The following EIF3L variants were observed in gnomAD, a reference collection of about 807,000 sequenced individuals.
The protein encoded by EIF3L is eIEF associated protein HSPC021.
A neutral mutation model predicts 74.6 loss-of-function variants in EIF3L; 32 were observed. The observed-to-expected ratio is 0.43, with a 90% CI of 0.32 to 0.58. The LOEUF (loss-of-function observed/expected upper bound fraction) is 0.58. Among genes scored for constraint, EIF3L ranks in the 20% least tolerant of loss-of-function variants. The probability of loss-of-function intolerance (pLI) is 0.06; values close to 1 mark genes in which losing one functional copy is unlikely to be tolerated. For missense variants in EIF3L, 474 were observed against 707.8 expected, an observed-to-expected ratio of 0.67 and a Z score of 3.75; for synonymous variants, 256 against 254.4, an observed-to-expected ratio of 1.01 and a Z score of -0.06.
At chr22:37,855,696 G>A in intron 4 of EIF3L, 52 bp downstream of exon 4, 2 of 1,483,902 alleles carry the variant, frequency 1.3e-6, no homozygotes, top group Admixed American at 1.8e-5. Flanking sequence ...CAGTGGCTGA[G>A]TCATTAGACA....
intron 2 of EIF3L, 132 bp downstream of exon 2, chr22:37,850,195 G>A: frequency 1.1e-6 from 1 of 914,466 alleles, no homozygotes; most frequent in South Asian, 1.4e-5. Context: ...TTAGCTGCCA[G>A]TGCGAGGGGT....
At position 37,888,885 on chromosome 22, in the gene EIF3L, G is replaced by A. The variant is rs755048703; in HGVS notation, c.*421G>A. 4.7e-5 allele frequency: 8 copies of A among 171,204 alleles called. No individual in the cohort carries two copies. Among genetic ancestry groups the A allele is most frequent in the Non-Finnish European group, 7.4e-5 (6 of 80,856 alleles). The allele number at this position is 171,204 out of a possible 1,614,324, so 10.6% of individuals were successfully genotyped here. A position where few individuals can be genotyped will look rare whatever the true frequency, so the allele number is the denominator to read the frequency against. On this transcript the variant is annotated 3_prime_UTR_variant, in exon 13 of 13. Transcript: ENST00000652021. The stretch of plus-strand genomic sequence containing the variant: ...CTTCCAAGTAGCTGGGATTACAGGC[G>A]TGTGCCACCACACTCAGCTAATTTT...
At chr22:37,876,071 A>C in intron 10 of EIF3L, 60 bp downstream of exon 10, 1 of 1,544,106 alleles carries the variant, frequency 6.5e-7, no homozygotes, top group Non-Finnish European at 8.8e-7. Context: ...CTTGGCACCT[A>C]TGCCAACCAT....
At chr22:37,887,056 A>G (rs1569126527) in intron 12 of EIF3L, 1 of 376,740 alleles carries the variant, frequency 2.7e-6, no homozygotes, top group Non-Finnish European at 5.2e-6. Context: ...AGCCTCCCGC[A>G]TAGCTGGAAT....
At chr22:37,861,250 C>T (rs59909860) in intron 5 of EIF3L, among the ~76,000 whole-genome samples, 6,630 of 152,104 alleles carry the variant, frequency 0.044, 484 homozygotes, top group African/African-American at 0.15. Flanking sequence ...CCTTGAGGAC[C>T]GCTTGATATG....
At chr22:37,870,405 T>C in intron 8 of EIF3L, 58 bp downstream of exon 8, 2 of 1,505,136 alleles carry the variant, frequency 1.3e-6, no homozygotes, top group Non-Finnish European at 1.8e-6. Flanking sequence ...TGCCATCTGT[T>C]CCAAATGAAT....
intron 2 of EIF3L, among the ~76,000 whole-genome samples, chr22:37,850,315 G>T (rs1032226043): frequency 6.6e-6 from 1 of 151,870 alleles, no homozygotes; most frequent in African/African-American, 2.4e-5. Context: ...AGCCAAATAA[G>T]AAAAGCTTTT....
At position 37,877,965 on chromosome 22, in the gene EIF3L, C is replaced by G; in HGVS notation, c.1369C>G (p.Leu457Val). ...FSDEVQQQAQ[L>V]STIRSFLKLY... ...TGATGAAGTACAGCAGCAGGCCCAG[C>G]TTTCAACCATCCGCAGCTTCCTGAA... is the stretch of plus-strand genomic sequence containing the variant. Residue 457 changes from leucine to valine, a missense_variant, in exon 11 of 13, where the codon CTT becomes GTT. This residue lies in a region of EIF3L where 293 missense variants were observed against 469.1 expected (regional missense o/e 0.62). Coordinates refer to ENST00000652021, the MANE Select transcript of EIF3L (RefSeq NM_016091.4). 5 of 1,612,560 alleles carry G rather than the reference C, an allele frequency of 3.1e-6. No homozygotes were observed. Among genetic ancestry groups the G allele is most frequent in the Non-Finnish European group, 4.2e-6 (5 of 1,179,858 alleles).
At chr22:37,875,326 C>T (rs1159029133) in intron 9 of EIF3L, among the ~76,000 whole-genome samples, 3 of 151,022 alleles carry the variant, frequency 2.0e-5, no homozygotes, top group South Asian at 4.2e-4. Flanking sequence ...TGCAGTGAGC[C>T]GAGATCACAC....
intron 10 of EIF3L, 46 bp downstream of exon 10, chr22:37,876,057 G>A (rs750632380): frequency 1.9e-6 from 3 of 1,583,628 alleles, no homozygotes; most frequent in Non-Finnish European, 2.6e-6. Flanking sequence ...TAATCAGGGG[G>A]ATCCTTGGCA....
chr22:37,877,882 A>C lies in EIF3L; in HGVS notation c.1286A>C (p.Asp429Ala). 1 of 1,613,302 alleles carries C rather than the reference A, an allele frequency of 6.2e-7. No homozygotes were observed. The highest frequency in any genetic ancestry group is 8.5e-7 in the Non-Finnish European group (1 of 1,179,860). The change falls in exon 11 of 13, where the codon GAT (aspartate) becomes GCT (alanine). Residue 429 changes from aspartate to alanine, a missense_variant. Physicochemically the swap from Asp to Ala is moderately radical, Grantham distance 126. Transcript: ENST00000652021. ...KFLSPVVPNY[D>A]NVHPNYHKEP... ...CTGTCGCCTGTAGTGCCCAACTATG[A>C]TAATGTGCACCCCAACTACCACAAA...
intron 3 of EIF3L, among the ~76,000 whole-genome samples, 197 bp from the exon 4 acceptor site, chr22:37,855,368 A>G (rs992293074): frequency 1.3e-5 from 2 of 152,170 alleles, no homozygotes; most frequent in Non-Finnish European, 2.9e-5. Flanking sequence ...CTGATACAAA[A>G]ACAATATTTT....
intron 8 of EIF3L, among the ~76,000 whole-genome samples, chr22:37,872,198 T>A (rs1926512971): frequency 6.6e-6 from 1 of 152,030 alleles, no homozygotes; most frequent in Non-Finnish European, 1.5e-5. Flanking sequence ...GTTCACTGCA[T>A]CCTCTGCCTC....
chr22:37,874,485 G>C lies in EIF3L; in HGVS notation c.867G>C (p.Gln289His). 1 of 1,614,146 alleles carries C rather than the reference G, an allele frequency of 6.2e-7. No homozygotes were observed. Among genetic ancestry groups the C allele is most frequent in the South Asian group, 1.1e-5 (1 of 91,076 alleles). Residue 289 changes from glutamine (Q) to histidine (H), a missense_variant, in exon 9 of 13, where the codon CAG becomes CAC. Transcript: ENST00000652021. ...ACTCCCTGTTAGGAGATTACTACCAGGCCATCAAGGTGCTGGAGAACATCG... is the reference window on the plus strand; with the variant it reads ...ACTCCCTGTTAGGAGATTACTACCACGCCATCAAGGTGCTGGAGAACATCG... ...RLHSLLGDYYQAIKVLENIEL... is the reference protein window; with the variant it reads ...RLHSLLGDYYHAIKVLENIEL...
At chr22:37,876,136 T>A in intron 10 of EIF3L, 125 bp downstream of exon 10, 2 of 1,003,354 alleles carry the variant, frequency 2.0e-6, no homozygotes, top group Non-Finnish European at 2.9e-6. Context: ...TTCAAGACTG[T>A]AGAGCGCTCT....
intron 8 of EIF3L, among the ~76,000 whole-genome samples, chr22:37,870,712 T>G (rs1337901994): frequency 6.8e-6 from 1 of 147,538 alleles, no homozygotes; most frequent in African/African-American, 2.7e-5. Context: ...ATTTTTTTCT[T>G]TTTTTTTCAG....
At chr22:37,880,946 G>A (rs1927017734) in intron 11 of EIF3L, 1 of 152,210 alleles carries the variant, frequency 6.6e-6, no homozygotes, top group Non-Finnish European at 1.5e-5. Flanking sequence ...TTATTGTTCT[G>A]TGATAGTCCA....
At chr22:37,887,019 C>T (rs1018378815) in intron 12 of EIF3L, 174 bp downstream of exon 12, 9 of 465,992 alleles carry the variant, frequency 1.9e-5, no homozygotes, top group South Asian at 8.8e-5. Flanking sequence ...ACCTCTGCCT[C>T]CTGGGTTCAA....
intron 11 of EIF3L, chr22:37,882,357 A>G (rs1029940030): frequency 1.3e-5 from 2 of 152,058 alleles, no homozygotes; most frequent in African/African-American, 4.8e-5. Flanking sequence ...TGGAAATAGC[A>G]CTTTTTGAGC....
Sources: allele counts gnomAD v4.1 joint callset (sites outside exome capture counted in the v4.1 genomes callset), GRCh38; gene constraint gnomAD v4.1.1; regional missense constraint gnomAD v4.1.1; transcripts MANE v1.5; gene names NCBI Gene and HGNC (gene_info 2026-07-23, HGNC 2026-07-21).